The following PDSS2 variants were observed in gnomAD, a reference collection of about 807,000 sequenced individuals.
PDSS2 encodes the protein all trans-polyprenyl-diphosphate synthase PDSS2.
Under a neutral mutation model 44.5 loss-of-function variants are expected in PDSS2, and 31 were observed. The ratio of observed to expected loss-of-function variants is 0.70; its 90% confidence interval spans 0.52 to 0.94. PDSS2 has a LOEUF of 0.94. Ranked by LOEUF, PDSS2 falls within the 40% of genes least tolerant of loss-of-function variation. The probability of loss-of-function intolerance (pLI) is 0.00; values close to 1 mark genes in which losing one functional copy is unlikely to be tolerated. For synonymous variants in PDSS2, 157 were observed against 180.3 expected (o/e 0.87, Z 1.03); for missense variants, 452 against 482.2 (o/e 0.94, Z 0.59).
chr6:107,393,497 C>T (rs750450083), intron 1 of PDSS2, among the ~76,000 whole-genome samples: 4 of 152,086 alleles, frequency 2.6e-5, no homozygotes, highest in Non-Finnish European at 4.4e-5. Flanking sequence ...GAGGCATGTT[C>T]CATAAATGTC....
chr6:107,429,882 C>A (rs1781117332), intron 1 of PDSS2, among the ~76,000 whole-genome samples: 1 of 6,664 alleles, frequency 1.5e-4, no homozygotes, highest in Non-Finnish European at 7.0e-4. Flanking sequence ...AAAACTTAGT[C>A]TCAAAAAAAA....
intron 7 of PDSS2, among the ~76,000 whole-genome samples, chr6:107,191,540 A>C (rs1241863451): frequency 6.6e-6 from 1 of 152,208 alleles, no homozygotes; most frequent in African/African-American, 2.4e-5. Context: ...TCAGAGGTCC[A>C]GCACCAGGGA....
chr6:107,443,670 C>G (rs150980310), intron 1 of PDSS2, among the ~76,000 whole-genome samples: 1 of 152,312 alleles, frequency 6.6e-6, no homozygotes, highest in East Asian at 1.9e-4. Context: ...GTGGTGCAGT[C>G]TACCCCACAC....
chr6:107,206,374 T>C (rs1772978921), intron 6 of PDSS2, among the ~76,000 whole-genome samples: 1 of 152,140 alleles, frequency 6.6e-6, no homozygotes, highest in Non-Finnish European at 1.5e-5. Context: ...GCCCGGCCTG[T>C]TTCTAATAGA....
intron 1 of PDSS2, among the ~76,000 whole-genome samples, chr6:107,396,550 G>C (rs1362351326): frequency 1.3e-5 from 2 of 152,028 alleles, no homozygotes; most frequent in Non-Finnish European, 2.9e-5. Flanking sequence ...TTTCCTCATG[G>C]CTAAAAGCAA....
At chr6:107,336,731 C>T (rs1777904942) in intron 1 of PDSS2, among the ~76,000 whole-genome samples, 2 of 150,192 alleles carry the variant, frequency 1.3e-5, no homozygotes, top group African/African-American at 4.9e-5. Context: ...TATGTATTAC[C>T]TATAGTGAAT....
At chr6:107,422,111 A>T (rs1706258272) in intron 1 of PDSS2, among the ~76,000 whole-genome samples, 1 of 151,616 alleles carries the variant, frequency 6.6e-6, no homozygotes, top group Non-Finnish European at 1.5e-5. Flanking sequence ...AACTTAAAAC[A>T]TTTGACAAAA....
intron 1 of PDSS2, among the ~76,000 whole-genome samples, chr6:107,342,304 T>A (rs1009145821): frequency 6.6e-6 from 1 of 152,204 alleles, no homozygotes; most frequent in African/African-American, 2.4e-5. Context: ...ACTTTCCTCA[T>A]TTCTCTTCCT....
chr6:107,298,613 A>G (rs542885687), intron 2 of PDSS2, among the ~76,000 whole-genome samples: 2 of 152,296 alleles, frequency 1.3e-5, no homozygotes, highest in African/African-American at 4.8e-5. Flanking sequence ...ATATACATAC[A>G]TGTGTGCATA....
intron 2 of PDSS2, among the ~76,000 whole-genome samples, chr6:107,293,973 G>A (rs1016297907): frequency 2.6e-5 from 4 of 152,152 alleles, no homozygotes. Flanking sequence ...CTTCACAAGA[G>A]GCTGAGGTTT....
chr6:107,424,059 T>G lies in PDSS2; in HGVS notation c.296+34931A>C, dbSNP rs201977485. Among the ~76,000 whole-genome samples, 1,110 of 143,454 alleles carry G rather than the reference T, an allele frequency of 7.7e-3. 40 individuals are homozygous for G. In the East Asian group the frequency reaches 0.11, roughly 15 times the overall value. 94.1% of individuals were successfully genotyped at this position (143,454 alleles called of 152,430 possible). A position where few individuals can be genotyped will look rare whatever the true frequency, so the allele number is the denominator to read the frequency against. On this transcript the variant is annotated intron_variant, in intron 1 of 7. Coordinates refer to ENST00000369037, the MANE Select transcript of PDSS2 (RefSeq NM_020381.4). The stretch of plus-strand genomic sequence containing the variant: ...ATCTTTTTTTTTTTTTTTTTTTTTT[T>G]GGGACAGGGTCTCACTCTGTCACCC...
chr6:107,384,627 G>T (rs1031003921), intron 1 of PDSS2, among the ~76,000 whole-genome samples: 2 of 150,032 alleles, frequency 1.3e-5, no homozygotes, highest in African/African-American at 2.5e-5. Context: ...GCCAACAAAA[G>T]TGAGACTCTG....
At chr6:107,314,713 C>G (rs750205530) in intron 2 of PDSS2, among the ~76,000 whole-genome samples, 1 of 152,148 alleles carries the variant, frequency 6.6e-6, no homozygotes, top group Non-Finnish European at 1.5e-5. Flanking sequence ...CAAATTAGTA[C>G]GCAAGGTTAA....
chr6:107,166,446 A>G (rs1310712999), intron 7 of PDSS2, among the ~76,000 whole-genome samples: 1 of 146,664 alleles, frequency 6.8e-6, no homozygotes, highest in Admixed American at 6.9e-5. Context: ...CTCACTGCAA[A>G]CTCCGCCTCC....
rs531168973 is a variant in PDSS2 at position 107,363,643 on chromosome 6, C to G, written c.297-29311G>C. Among the ~76,000 whole-genome samples the G allele has an allele frequency of 5.3e-5, 8 of 152,312 alleles. No individual in the cohort carries two copies. In the East Asian group the frequency reaches 1.5e-3, roughly 29 times the overall value. ...GCAAAGAGCGAAAGAACAAAGCTCC[C>G]ACGGTGTGGAAGGGGACCCGAGCGG... On this transcript the variant is annotated intron_variant, in intron 1 of 7. Coordinates refer to ENST00000369037, the MANE Select transcript of PDSS2 (RefSeq NM_020381.4).
intron 1 of PDSS2, among the ~76,000 whole-genome samples, chr6:107,374,947 A>AT (rs1475982886): frequency 6.6e-6 from 1 of 152,124 alleles, no homozygotes; most frequent in Non-Finnish European, 1.5e-5. Flanking sequence ...TAATAGGAAG[A>AT]TATCTAGAAA....
rs145161415 is a variant in PDSS2, at chr6:107,411,879, C to CTT, written c.296+47109_296+47110dup. Among the ~76,000 whole-genome samples the CTT allele has an allele frequency of 2.3e-3, 218 of 93,824 alleles. 1 individual carries two copies. The highest frequency in any genetic ancestry group is 5.9e-3 in the African/African-American group (146 of 24,710). The allele number at this position is 93,824 out of a possible 152,430, so 61.6% of individuals were successfully genotyped here. Reference sequence around the variant, plus strand: ...AGGAATAACTGTACTTCTTCTTCTTCTTTTTTTTTTTTTTTTTTTTTTTGA... The same window carrying CTT: ...AGGAATAACTGTACTTCTTCTTCTTCTTTTTTTTTTTTTTTTTTTTTTTTTGA... On this transcript the variant is annotated intron_variant, in intron 1 of 7. Transcript: ENST00000369037.
rs541686747 is a variant in PDSS2 at position 107,166,926 on chromosome 6, G to T, written c.1042-12149C>A. ...GCATCAATGTTCATCAGGGATATTG[G>T]TCTAAAATTCTCTTTTTTTGTTGTC... is the stretch of plus-strand genomic sequence containing the variant. On this transcript the variant is annotated intron_variant, in intron 7 of 7. Transcript: ENST00000369037. 2.6e-5 allele frequency among the ~76,000 whole-genome samples: 4 copies of T among 152,270 alleles called. No homozygotes were observed. The South Asian group carries it at 6.2e-4, about 24-fold the overall frequency.
At chr6:107,189,906 T>G (rs184942522) in intron 7 of PDSS2, among the ~76,000 whole-genome samples, 43 of 151,466 alleles carry the variant, frequency 2.8e-4, no homozygotes, top group East Asian at 9.7e-4. Flanking sequence ...ATTAAATAAA[T>G]AAAGAAAGAA....
Sources: gnomAD v4.1 joint callset for allele counts (sites outside exome capture counted in the v4.1 genomes callset) on GRCh38, gnomAD v4.1.1 for gene constraint, MANE v1.5 for transcripts, NCBI Gene and HGNC (gene_info 2026-07-23, HGNC 2026-07-21) for gene names.